FBXW7: variants seen among roughly 807,000 people sequenced by gnomAD.
FBXW7 encodes F-box and WD repeat domain containing 7.
FBXW7 carries 11 observed loss-of-function variants against 86.3 expected under a neutral mutation model. The observed-to-expected ratio is 0.13, with a 90% CI of 0.08 to 0.21. The LOEUF is 0.21. FBXW7 is among the 10% of genes least tolerant of loss of function. FBXW7 has a pLI of 1.00. For missense variants in FBXW7, 488 were observed against 847.4 expected (o/e 0.58, Z 5.27); for synonymous variants, 313 against 297.9 (o/e 1.05, Z -0.52).
intron 11 of FBXW7, among the ~76,000 whole-genome samples, chr4:152,326,847 G>C (rs913531290): frequency 6.6e-6 from 1 of 152,022 alleles, no homozygotes; most frequent in African/African-American, 2.4e-5. Flanking sequence ...TTTTAGACAT[G>C]TCCTCAAACA....
At position 152,411,332 on chromosome 4, in the gene FBXW7, A is replaced by C; in HGVS notation, c.472T>G (p.Ser158Ala). The change falls in exon 4 of 14, where the codon TCC becomes GCC. Residue 158 changes from serine (S) to alanine (A), a missense_variant. This residue lies in a region of FBXW7 where 230 missense variants were observed against 240.0 expected (regional missense o/e 0.96). Transcript: ENST00000281708. ...SIVDLPVHQLSSPFYTKTTKM... is the reference protein window; with the variant it reads ...SIVDLPVHQLASPFYTKTTKM... The stretch of plus-strand genomic sequence containing the variant: ...GTTGTTTTTGTATAGAATGGGGAGG[A>C]GAGTTGGTGAACGGGCAGGTCCACA... 1 of 1,610,884 alleles carries C rather than the reference A, an allele frequency of 6.2e-7. No homozygotes were observed. The highest frequency in any genetic ancestry group is 1.1e-5 in the South Asian group (1 of 90,550).
chr4:152,410,134 C>G (rs1256861264), intron 4 of FBXW7, among the ~76,000 whole-genome samples: 2 of 152,144 alleles, frequency 1.3e-5, no homozygotes, highest in African/African-American at 4.8e-5. Flanking sequence ...CATTGTTCCG[C>G]AAGGCTTAGT....
At chr4:152,397,186 A>C (rs1736488914) in intron 4 of FBXW7, among the ~76,000 whole-genome samples, 1 of 152,064 alleles carries the variant, frequency 6.6e-6, no homozygotes, top group African/African-American at 2.4e-5. Context: ...TGTAAACAGT[A>C]GTTAACGAGA....
At chr4:152,494,198 T>C (rs920244833) in intron 2 of FBXW7, among the ~76,000 whole-genome samples, 1 of 152,160 alleles carries the variant, frequency 6.6e-6, no homozygotes, top group African/African-American at 2.4e-5. Flanking sequence ...GAGAAAGCCT[T>C]AGATAGAAAG....
chr4:152,343,641 T>G (rs1730961354), intron 6 of FBXW7, among the ~76,000 whole-genome samples: 1 of 152,156 alleles, frequency 6.6e-6, no homozygotes, highest in Non-Finnish European at 1.5e-5. Context: ...ATAATGTTCA[T>G]GTAATTAATG....
chr4:152,361,965 C>CAAA (rs569330155), intron 4 of FBXW7, among the ~76,000 whole-genome samples: 12 of 37,064 alleles, frequency 3.2e-4, no homozygotes, highest in East Asian at 2.8e-3. Context: ...GACTCCATCT[C>CAAA]AAAAAAAAAA....
intron 2 of FBXW7, among the ~76,000 whole-genome samples, chr4:152,473,728 C>G (rs1268814761): frequency 6.6e-6 from 1 of 152,106 alleles, no homozygotes; most frequent in African/African-American, 2.4e-5. Flanking sequence ...GTCAGTCTAA[C>G]TCCACAACCT....
At chr4:152,471,591 AAGAG>A (rs1743976397) in intron 2 of FBXW7, among the ~76,000 whole-genome samples, 1 of 151,638 alleles carries the variant, frequency 6.6e-6, no homozygotes, top group South Asian at 2.1e-4. Flanking sequence ...GAAAGAGGGA[AAGAG>A]AGAAAGAAGG....
chr4:152,522,615 G>A (rs938364417), intron 2 of FBXW7, among the ~76,000 whole-genome samples: 2 of 151,914 alleles, frequency 1.3e-5, no homozygotes, highest in African/African-American at 4.8e-5. Flanking sequence ...CTCTACCCAC[G>A]AGATACCAGT....
intron 4 of FBXW7, among the ~76,000 whole-genome samples, chr4:152,388,644 T>C (rs1463312013): frequency 6.6e-6 from 1 of 152,148 alleles, no homozygotes; most frequent in East Asian, 1.9e-4. Flanking sequence ...AACCATCCCA[T>C]GGTACACCAG....
At chr4:152,338,982 A>G (rs1373320139) in intron 6 of FBXW7, among the ~76,000 whole-genome samples, 2 of 152,198 alleles carry the variant, frequency 1.3e-5, no homozygotes, top group South Asian at 2.1e-4. Context: ...CATGAAATAT[A>G]TAATAATTGA....
At chr4:152,408,208 A>G (rs1310837085) in intron 4 of FBXW7, among the ~76,000 whole-genome samples, 1 of 152,232 alleles carries the variant, frequency 6.6e-6, no homozygotes, top group Non-Finnish European at 1.5e-5. Context: ...TCTCTTCATC[A>G]AAAGATCAGG....
chr4:152,387,369 T>C (rs542745571), intron 4 of FBXW7, among the ~76,000 whole-genome samples: 2 of 152,258 alleles, frequency 1.3e-5, no homozygotes, highest in Non-Finnish European at 2.9e-5. Context: ...TCAAGCATAC[T>C]CACTTATTTC....
intron 4 of FBXW7, among the ~76,000 whole-genome samples, chr4:152,393,709 T>C (rs1736183868): frequency 6.6e-6 from 1 of 152,158 alleles, no homozygotes; most frequent in Non-Finnish European, 1.5e-5. Flanking sequence ...TTCTTCATAC[T>C]TCCATTCCTC....
At chr4:152,438,603 A>G (rs1276557559) in intron 2 of FBXW7, among the ~76,000 whole-genome samples, 1 of 152,206 alleles carries the variant, frequency 6.6e-6, no homozygotes, top group Non-Finnish European at 1.5e-5. Flanking sequence ...TGAACCCCAG[A>G]GGCAAAAGTT....
chr4:152,493,137 CAA>C (rs1746016406), intron 2 of FBXW7, among the ~76,000 whole-genome samples: 1 of 151,390 alleles, frequency 6.6e-6, no homozygotes. Context: ...AAATGAAAAC[CAA>C]AGAGTTTAAA....
At chr4:152,380,841 T>C (rs990632388) in intron 4 of FBXW7, among the ~76,000 whole-genome samples, 1 of 152,076 alleles carries the variant, frequency 6.6e-6, no homozygotes, top group African/African-American at 2.4e-5. Flanking sequence ...TTATTTGTAT[T>C]GGTATTTTCT....
intron 2 of FBXW7, among the ~76,000 whole-genome samples, chr4:152,525,906 A>T (rs1335536870): frequency 6.6e-6 from 1 of 152,172 alleles, no homozygotes; most frequent in Non-Finnish European, 1.5e-5. Flanking sequence ...GGTTGAACTA[A>T]TTTACACTCC....
chr4:152,530,675 G>A (rs920695746), intron 2 of FBXW7: 1 of 152,214 alleles, frequency 6.6e-6, no homozygotes, highest in African/African-American at 2.4e-5. Flanking sequence ...ATCTCATCTA[G>A]AAAACAAAGA....
Sources: gnomAD v4.1 joint callset for allele counts (sites outside exome capture counted in the v4.1 genomes callset) on GRCh38, gnomAD v4.1.1 for gene constraint, gnomAD v4.1.1 regional missense constraint, MANE v1.5 for transcripts, NCBI Gene and HGNC (gene_info 2026-07-23, HGNC 2026-07-21) for gene names.